Variants in IFNLR1 observed in about 807,000 individuals in gnomAD.
The protein encoded by IFNLR1 is CRF2-12.
IFNLR1 carries 28 observed loss-of-function variants against 52.5 expected under a neutral mutation model. The observed-to-expected ratio is 0.53, with a 90% confidence interval of 0.40 to 0.73. IFNLR1 has a LOEUF of 0.73. IFNLR1 is among the 30% of genes least tolerant of loss of function. IFNLR1 has a pLI of 0.00. For missense variants in IFNLR1, 623 were observed against 659.1 expected (o/e 0.95, Z 0.60); for synonymous variants, 276 against 274.9 (o/e 1.00, Z -0.04).
At chr1:24,180,675 AG>A in intron 2 of IFNLR1, 55 bp downstream of exon 2, 12 of 385,906 alleles carry the variant, frequency 3.1e-5, no homozygotes, top group Non-Finnish European at 5.1e-5. Context: ...AAGCCCCTCC[AG>A]CCCCCACCCA....
chr1:24,162,734 TTCTTTCTTTCTTTC>T lies in IFNLR1; in HGVS notation c.368-1064_368-1051del, dbSNP rs1644460865. ...TTCTTTCTTTCTTTCTTTTCTTTCT[TTCTTTCTTTCTTTC>T]TTTCTTTCTTTCTTTCTTTCTTTCT... On this transcript the variant is annotated intron_variant, in intron 3 of 6. Coordinates refer to ENST00000327535, the MANE Select transcript of IFNLR1 (RefSeq NM_170743.4). 1.1e-4 allele frequency among the ~76,000 whole-genome samples: 2 copies of T among 17,644 alleles called. 1 individual carries two copies. The highest frequency in any genetic ancestry group is 4.3e-4 in the African/African-American group (2 of 4,644). The allele number at this position is 17,644 out of a possible 152,430, so 11.6% of individuals were successfully genotyped here. A position where few individuals can be genotyped will look rare whatever the true frequency, so the allele number is the denominator to read the frequency against.
At chr1:24,166,242 A>G (rs917900056) in intron 3 of IFNLR1, among the ~76,000 whole-genome samples, 7 of 148,760 alleles carry the variant, frequency 4.7e-5, no homozygotes, top group Non-Finnish European at 8.9e-5. Flanking sequence ...TTTCTTCTCA[A>G]TCATCCTTTC....
chr1:24,187,065 C>A, intron 1 of IFNLR1, 126 bp downstream of exon 1: 1 of 517,210 alleles, frequency 1.9e-6, no homozygotes. Context: ...TAGGCAGGGC[C>A]GATTCGCACC....
intron 3 of IFNLR1, among the ~76,000 whole-genome samples, chr1:24,166,365 C>T (rs148892698): frequency 6.6e-6 from 1 of 152,124 alleles, no homozygotes; most frequent in Non-Finnish European, 1.5e-5. Flanking sequence ...CCCATACATC[C>T]ATTCTTCTTT....
intron 2 of IFNLR1, among the ~76,000 whole-genome samples, chr1:24,176,068 A>G (rs924309520): frequency 2.0e-5 from 3 of 152,238 alleles, no homozygotes; most frequent in African/African-American, 7.2e-5. Context: ...CCTGCCCAGA[A>G]CTGGAAGCAA....
At chr1:24,183,842 G>A (rs1644713241) in intron 1 of IFNLR1, among the ~76,000 whole-genome samples, 1 of 152,170 alleles carries the variant, frequency 6.6e-6, no homozygotes, top group South Asian at 2.1e-4. Flanking sequence ...CGATTCTCCT[G>A]CCTCAGCCTC....
In IFNLR1 at chr1:24,169,583, C is replaced by A; in HGVS notation, c.201G>T (p.Arg67=). Reference sequence around the variant, plus strand: ...CCGCACACTCTTCCACTTCGCGCCACCGTCTACGGGTGGGAGAGCTGGGGG... The same window carrying A: ...CCGCACACTCTTCCACTTCGCGCCAACGTCTACGGGTGGGAGAGCTGGGGG... ...VAYQSSPTRR[R]WREVEECAGT... The change falls in exon 3 of 7, where the codon CGG becomes CGT. Residue 67 remains arginine (R), a synonymous_variant. Coordinates refer to ENST00000327535, the MANE Select transcript of IFNLR1 (RefSeq NM_170743.4). The A allele has an allele frequency of 6.2e-7, 1 of 1,613,794 alleles. No homozygotes were observed. Among genetic ancestry groups the A allele is most frequent in the Non-Finnish European group, 8.5e-7 (1 of 1,179,770 alleles).
chr1:24,160,972 C>T (rs1557642557), intron 4 of IFNLR1, among the ~76,000 whole-genome samples: 1 of 152,042 alleles, frequency 6.6e-6, no homozygotes, highest in Non-Finnish European at 1.5e-5. Flanking sequence ...AATCCTCCCA[C>T]CACCTCGGCC....
At chr1:24,182,280 C>T (rs1269197566) in intron 1 of IFNLR1, among the ~76,000 whole-genome samples, 1 of 151,904 alleles carries the variant, frequency 6.6e-6, no homozygotes, top group Non-Finnish European at 1.5e-5. Flanking sequence ...TTCATTAGGG[C>T]AGGCTTGCCA....
chr1:24,161,797 C>G, intron 3 of IFNLR1, 113 bp from the exon 4 acceptor site: 1 of 1,068,050 alleles, frequency 9.4e-7, no homozygotes. Flanking sequence ...GTTTCAAACA[C>G]TTCTTGTGCA....
intron 1 of IFNLR1, among the ~76,000 whole-genome samples, chr1:24,186,165 G>T (rs1644736243): frequency 6.6e-6 from 1 of 152,040 alleles, no homozygotes. Flanking sequence ...CACAGAGAAC[G>T]CTGCTGTGGG....
intron 3 of IFNLR1, among the ~76,000 whole-genome samples, chr1:24,168,220 T>C (rs1644539133): frequency 6.6e-6 from 1 of 152,078 alleles, no homozygotes; most frequent in African/African-American, 2.4e-5. Flanking sequence ...CCTTCTTTTA[T>C]CCATCCACCG....
At chr1:24,173,141 A>AAC (rs1340257388) in intron 2 of IFNLR1, among the ~76,000 whole-genome samples, 3 of 151,122 alleles carry the variant, frequency 2.0e-5, no homozygotes, top group African/African-American at 7.3e-5. Context: ...AAAAAAAAAA[A>AAC]AACCCACCAA....
chr1:24,161,559 C>A lies in IFNLR1; in HGVS notation c.493G>T (p.Glu165Ter), dbSNP rs184676336. The change falls in exon 4 of 7, where the codon GAG becomes TAG. Residue 165 changes from glutamate to a stop codon, truncating the protein, a stop_gained. Transcript: ENST00000327535. LOFTEE classifies it high-confidence loss of function. ...CTTCCCACCTTGTTTCCGGCCCCCTCCTTCCAGAATGCCACCTCATACTTC... is the reference window on the plus strand; with the variant it reads ...CTTCCCACCTTGTTTCCGGCCCCCTACTTCCAGAATGCCACCTCATACTTC... Reference protein sequence around the residue: ...DLKYEVAFWKEGAGNKTLFPV... With the variant: ...DLKYEVAFWK The A allele has an allele frequency of 5.1e-6, 8 of 1,555,454 alleles. No homozygotes were observed. Among genetic ancestry groups the A allele is most frequent in the Non-Finnish European group, 7.0e-6 (8 of 1,148,402 alleles).
At chr1:24,173,444 G>A (rs1174777378) in intron 2 of IFNLR1, among the ~76,000 whole-genome samples, 1 of 152,156 alleles carries the variant, frequency 6.6e-6, no homozygotes, top group East Asian at 1.9e-4. Flanking sequence ...AATACTAAGT[G>A]TAACAAGCAC....
chr1:24,180,667 G>GCCCCAACCC, intron 2 of IFNLR1, 64 bp downstream of exon 2: 1 of 1,325,308 alleles, frequency 7.5e-7, no homozygotes, highest in Non-Finnish European at 1.1e-6. Context: ...TCCCAGAGAA[G>GCCCCAACCC]CCCCTCCAGC....
chr1:24,173,236 A>G (rs1644600127), intron 2 of IFNLR1, among the ~76,000 whole-genome samples: 1 of 152,140 alleles, frequency 6.6e-6, no homozygotes, highest in Non-Finnish European at 1.5e-5. Context: ...ATTCATAGAT[A>G]ACTCAATAAT....
At chr1:24,165,293 C>T (rs1644507208) in intron 3 of IFNLR1, among the ~76,000 whole-genome samples, 1 of 152,202 alleles carries the variant, frequency 6.6e-6, no homozygotes, top group African/African-American at 2.4e-5. Flanking sequence ...GACTGCAGGA[C>T]ACAATTCTGC....
intron 1 of IFNLR1, among the ~76,000 whole-genome samples, chr1:24,184,561 C>A (rs949339593): frequency 6.6e-6 from 1 of 152,170 alleles, no homozygotes; most frequent in Admixed American, 6.5e-5. Context: ...TCGATGTTGC[C>A]AAGCCACTGC....
Sources: allele counts gnomAD v4.1 joint callset (sites outside exome capture counted in the v4.1 genomes callset), GRCh38; gene constraint gnomAD v4.1.1; transcripts MANE v1.5; gene names NCBI Gene and HGNC (gene_info 2026-07-23, HGNC 2026-07-21).